The following SERBP1 variants were observed in gnomAD, a reference collection of about 807,000 sequenced individuals.
SERBP1 encodes SERPINE1 mRNA-binding protein 1.
A neutral mutation model predicts 50.2 loss-of-function variants in SERBP1; 6 were observed. The ratio of observed to expected loss-of-function variants is 0.12; its 90% CI spans 0.07 to 0.24. The LOEUF is 0.24. SERBP1 is among the 10% of genes least tolerant of loss of function. The probability of loss-of-function intolerance (pLI) is 1.00; values close to 1 mark genes in which losing one functional copy is unlikely to be tolerated. For missense variants in SERBP1, 346 were observed against 524.9 expected (o/e 0.66, Z 3.33); for synonymous variants, 168 against 182.8 (o/e 0.92, Z 0.65).
intron 6 of SERBP1, among the ~76,000 whole-genome samples, chr1:67,419,553 T>A (rs905424235): frequency 6.6e-6 from 1 of 152,234 alleles, no homozygotes; most frequent in Non-Finnish European, 1.5e-5. Flanking sequence ...CCATTATATA[T>A]GGTATAGGCA....
chr1:67,424,055 CTT>C (rs1667291787), intron 5 of SERBP1, 143 bp downstream of exon 5: 1 of 752,236 alleles, frequency 1.3e-6, no homozygotes, highest in Non-Finnish European at 2.0e-6. Context: ...TTCAAATACT[CTT>C]TGAGGGATGA....
chr1:67,412,303 T>C lies in SERBP1; in HGVS notation c.*904A>G, dbSNP rs1210142373. The C allele has an allele frequency of 2.0e-5, 3 of 152,590 alleles. No individual in the cohort carries two copies. The highest frequency in any genetic ancestry group is 2.9e-5 in the Non-Finnish European group (2 of 68,026). 9.5% of individuals were successfully genotyped at this position (152,590 alleles called of 1,614,324 possible). ...ACAGAACAGTTTAAATATTACACATTGGCCAAATCAACTTATTCCACCCAC... is the reference window on the plus strand; with the variant it reads ...ACAGAACAGTTTAAATATTACACATCGGCCAAATCAACTTATTCCACCCAC... On this transcript the variant is annotated 3_prime_UTR_variant, in exon 8 of 8. Transcript: ENST00000361219.
chr1:67,409,904 G>C lies in SERBP1; in HGVS notation c.*3303C>G, dbSNP rs995883026. ...CATACAAAGCACAGTAAATAATGAA[G>C]TTTCTGGGCTTTTCTTAGTTAACCT... On this transcript the variant is annotated 3_prime_UTR_variant, in exon 8 of 8. Transcript: ENST00000361219. 44 of 152,322 alleles carry C rather than the reference G, an allele frequency of 2.9e-4. No homozygotes were observed. Among genetic ancestry groups the C allele is most frequent in the African/African-American group, 1.0e-3 (42 of 41,574 alleles). 9.4% of individuals were successfully genotyped at this position (152,322 alleles called of 1,614,324 possible).
rs1666717287 is a variant in SERBP1, at chr1:67,408,720, A to ACACT, written c.*4486_*4487insAGTG. 1 of 152,210 alleles carries ACACT rather than the reference A, an allele frequency of 6.6e-6. No homozygotes were observed. Among genetic ancestry groups the ACACT allele is most frequent in the African/African-American group, 2.4e-5 (1 of 41,452 alleles). The allele number at this position is 152,210 out of a possible 1,614,324, so 9.4% of individuals were successfully genotyped here. On this transcript the variant is annotated 3_prime_UTR_variant, in exon 8 of 8. Transcript: ENST00000361219. ...CAAAGGACTTACACAAAGGGATCTG[A>ACACT]GTCACTAAATGTGAAATACTAATCA...
intron 6 of SERBP1, 116 bp downstream of exon 6, chr1:67,419,893 G>A (rs1667148862): frequency 2.4e-6 from 2 of 826,226 alleles, no homozygotes; most frequent in South Asian, 1.8e-5. Flanking sequence ...TGCCCCAAAT[G>A]ATCCTATGTA....
rs1357270806 is a variant in SERBP1 at position 67,411,969 on chromosome 1, A to G, written c.*1238T>C. On this transcript the variant is annotated 3_prime_UTR_variant, in exon 8 of 8. Transcript: ENST00000361219. ...TCTAATGGAGGAAGAGAGAAGAGAT[A>G]ATTACCACTTTCTGTGGAATACTCA... 6.6e-6 allele frequency: 1 copy of G among 152,612 alleles called. No homozygotes were observed. The highest frequency in any genetic ancestry group is 6.5e-5 in the Admixed American group (1 of 15,282). The allele number at this position is 152,612 out of a possible 1,614,324, so 9.5% of individuals were successfully genotyped here.
chr1:67,416,091 C>A (rs1470945860), intron 6 of SERBP1, among the ~76,000 whole-genome samples: 2 of 147,768 alleles, frequency 1.4e-5, no homozygotes, highest in Admixed American at 1.4e-4. Flanking sequence ...GGGTTCATTG[C>A]AACCTCCACC....
rs35289740 is a variant in SERBP1 at position 67,409,419 on chromosome 1, ACC to A, written c.*3786_*3787del. 0.35 allele frequency: 43,248 copies of A among 124,056 alleles called. 7,623 individuals carry two copies. Among genetic ancestry groups the A allele is most frequent in the East Asian group, 0.58 (2,543 of 4,356 alleles). 7.7% of individuals were successfully genotyped at this position (124,056 alleles called of 1,614,324 possible). A position where few individuals can be genotyped will look rare whatever the true frequency, so the allele number is the denominator to read the frequency against. On this transcript the variant is annotated 3_prime_UTR_variant, in exon 8 of 8. Coordinates refer to ENST00000361219, the MANE Select transcript of SERBP1 (RefSeq NM_001018069.2). ...CACACACACACACACACACACACACACCCCCACACACACCAGGTCACAGGCTG... is the reference window on the plus strand; with the variant it reads ...CACACACACACACACACACACACACACCCACACACACCAGGTCACAGGCTG...
intron 6 of SERBP1, among the ~76,000 whole-genome samples, chr1:67,417,876 G>A (rs1015335063): frequency 2.6e-5 from 4 of 151,472 alleles, no homozygotes; most frequent in Non-Finnish European, 5.9e-5. Context: ...TCAATAACAC[G>A]GTAACACAGT....
rs1666752105 is a variant in SERBP1, at chr1:67,409,412, C to CACACACAA, written c.*3794_*3795insTTGTGTGT. Reference sequence around the variant, plus strand: ...ACACACACACACACACACACACACACACACACACCCCCACACACACCAGGT... The same window carrying CACACACAA: ...ACACACACACACACACACACACACACACACACAAACACACACCCCCACACACACCAGGT... On this transcript the variant is annotated 3_prime_UTR_variant, in exon 8 of 8. Coordinates refer to ENST00000361219, the MANE Select transcript of SERBP1 (RefSeq NM_001018069.2). 1.6e-5 allele frequency: 2 copies of CACACACAA among 125,550 alleles called. No individual in the cohort carries two copies. The highest frequency in any genetic ancestry group is 3.1e-5 in the Non-Finnish European group (2 of 63,916). 7.8% of individuals were successfully genotyped at this position (125,550 alleles called of 1,614,324 possible).
intron 6 of SERBP1, among the ~76,000 whole-genome samples, chr1:67,417,971 G>GTTTTTTTTTTTTTTTTT (rs397861816): frequency 1.3e-5 from 1 of 76,800 alleles, no homozygotes; most frequent in African/African-American, 5.5e-5. Flanking sequence ...TTAAAGTGTT[G>GTTTTTTTTTTTTTTTTT]TTTTTTTTTT....
At chr1:67,413,294 TTC>T in intron 7 of SERBP1, 31 bp from the exon 8 acceptor site, 1 of 1,532,744 alleles carries the variant, frequency 6.5e-7, no homozygotes. Flanking sequence ...TTAACCACAG[TTC>T]TCAGTTCTTC....
In SERBP1 at chr1:67,419,616, C is replaced by A. The variant is rs1667141119; in HGVS notation, c.951+393G>T. On this transcript the variant is annotated intron_variant, in intron 6 of 7. Transcript: ENST00000361219. ...GAAGTCACTTACATTTTAGGTTAAA[C>A]CATATGAAAATGTCAAGATTTCAAC... 3.7e-5 allele frequency: 7 copies of A among 190,490 alleles called. No homozygotes were observed. In the South Asian group the frequency reaches 6.9e-4, roughly 19 times the overall value. 11.8% of individuals were successfully genotyped at this position (190,490 alleles called of 1,614,324 possible). A position where few individuals can be genotyped will look rare whatever the true frequency, so the allele number is the denominator to read the frequency against.
chr1:67,408,569 C>CAAAAA lies in SERBP1; in HGVS notation c.*4633_*4637dup, dbSNP rs34329786. ...TCTGTCCAAATGGGAATTCTAAGCT[C>CAAAAA]AAAAAAAAAAAAAAAAAGATGCAAT... On this transcript the variant is annotated 3_prime_UTR_variant, in exon 8 of 8. Coordinates refer to ENST00000361219, the MANE Select transcript of SERBP1 (RefSeq NM_001018069.2). 1 of 130,668 alleles carries CAAAAA rather than the reference C, an allele frequency of 7.7e-6. No homozygotes were observed. The highest frequency in any genetic ancestry group is 2.9e-5 in the African/African-American group (1 of 34,344). 8.1% of individuals were successfully genotyped at this position (130,668 alleles called of 1,614,324 possible). A position where few individuals can be genotyped will look rare whatever the true frequency, so the allele number is the denominator to read the frequency against.
chr1:67,425,597 A>G (rs1667343416), intron 2 of SERBP1, among the ~76,000 whole-genome samples: 1 of 151,880 alleles, frequency 6.6e-6, no homozygotes, highest in Non-Finnish European at 1.5e-5. Flanking sequence ...TCCTTCAACT[A>G]ACAGTATTTT....
intron 5 of SERBP1, 118 bp from the exon 6 acceptor site, chr1:67,420,304 T>C: frequency 2.1e-6 from 2 of 955,006 alleles, no homozygotes; most frequent in Non-Finnish European, 3.1e-6. Context: ...GAAAGATTAT[T>C]CAAGGATGAG....
At chr1:67,415,449 C>T (rs1162430101) in intron 6 of SERBP1, 110 bp from the exon 7 acceptor site, 3 of 1,112,780 alleles carry the variant, frequency 2.7e-6, no homozygotes, top group Non-Finnish European at 3.8e-6. Flanking sequence ...ACTGTACTTT[C>T]TGTGAACAAA....
chr1:67,414,820 G>C (rs2100412593), intron 7 of SERBP1, among the ~76,000 whole-genome samples: 1 of 152,258 alleles, frequency 6.6e-6, no homozygotes, highest in South Asian at 2.1e-4. Flanking sequence ...CCTTAGCAAA[G>C]GCCAAGAGTT....
intron 1 of SERBP1, among the ~76,000 whole-genome samples, chr1:67,426,940 C>G (rs571357799): frequency 2.0e-5 from 3 of 152,262 alleles, no homozygotes; most frequent in East Asian, 3.9e-4. Context: ...AAAGTGTCAT[C>G]TTTTGGTCTT....
Sources: allele counts gnomAD v4.1 joint callset (sites outside exome capture counted in the v4.1 genomes callset), GRCh38; gene constraint gnomAD v4.1.1; transcripts MANE v1.5; gene names NCBI Gene and HGNC (gene_info 2026-07-23, HGNC 2026-07-21).